The following GRM5 variants were observed in gnomAD, a reference collection of about 807,000 sequenced individuals.
GRM5 encodes the protein metabotropic glutamate receptor 5.
GRM5 carries 19 observed loss-of-function variants against 83.1 expected under a neutral mutation model. The observed-to-expected ratio is 0.23, with a 90% CI of 0.16 to 0.34. The LOEUF is 0.34. Among genes scored for constraint, GRM5 ranks in the 10% least tolerant of loss-of-function variants. The pLI, the probability that GRM5 is intolerant of heterozygous loss-of-function variation, is 1.00. For synonymous variants in GRM5, 675 were observed against 633.6 expected (o/e 1.07, Z -0.98); for missense variants, 1,160 against 1,588.3 (o/e 0.73, Z 4.58).
At chr11:89,058,665 G>A (rs1215996539) in intron 1 of GRM5, among the ~76,000 whole-genome samples, 2 of 152,150 alleles carry the variant, frequency 1.3e-5, no homozygotes, top group Non-Finnish European at 2.9e-5. Flanking sequence ...TTGTTGAAAA[G>A]GTAGAAATTT....
intron 2 of GRM5, among the ~76,000 whole-genome samples, chr11:89,010,119 A>G (rs1173816052): frequency 1.3e-5 from 2 of 151,170 alleles, no homozygotes; most frequent in Non-Finnish European, 2.9e-5. Flanking sequence ...CAAAGGATTG[A>G]GGCAAATATT....
intron 2 of GRM5, among the ~76,000 whole-genome samples, chr11:88,972,047 C>T (rs991369202): frequency 6.6e-6 from 1 of 152,158 alleles, no homozygotes; most frequent in African/African-American, 2.4e-5. Flanking sequence ...CCATCTTGGA[C>T]AAGCACTGCC....
At chr11:88,966,448 C>T (rs1043049805) in intron 2 of GRM5, among the ~76,000 whole-genome samples, 1 of 152,114 alleles carries the variant, frequency 6.6e-6, no homozygotes, top group Non-Finnish European at 1.5e-5. Flanking sequence ...TCTAGTCATA[C>T]TGGCAACCAA....
chr11:88,734,636 T>G (rs181348045), intron 3 of GRM5, among the ~76,000 whole-genome samples: 1 of 152,098 alleles, frequency 6.6e-6, no homozygotes, highest in African/African-American at 2.4e-5. Flanking sequence ...TAAATTCTCT[T>G]GGTTACAGTT....
chr11:88,636,725 T>C (rs1004840499), intron 4 of GRM5, among the ~76,000 whole-genome samples: 1 of 152,218 alleles, frequency 6.6e-6, no homozygotes, highest in African/African-American at 2.4e-5. Flanking sequence ...TATTAGTTTT[T>C]GTATAAGGTG....
intron 4 of GRM5, among the ~76,000 whole-genome samples, chr11:88,631,557 T>A (rs1938970930): frequency 6.6e-6 from 1 of 152,182 alleles, no homozygotes; most frequent in African/African-American, 2.4e-5. Context: ...TAAAATATAA[T>A]TATTGTCTGA....
intron 2 of GRM5, among the ~76,000 whole-genome samples, chr11:89,028,217 T>G (rs1427135943): frequency 1.3e-5 from 2 of 152,160 alleles, no homozygotes; most frequent in Non-Finnish European, 2.9e-5. Context: ...GAAGCCCACA[T>G]CCTCATTAAT....
chr11:89,035,395 A>G (rs904537088), intron 2 of GRM5, among the ~76,000 whole-genome samples: 15 of 152,008 alleles, frequency 9.9e-5, no homozygotes, highest in African/African-American at 3.4e-4. Context: ...CAAAAATGGC[A>G]CTCTAACTTT....
intron 3 of GRM5, among the ~76,000 whole-genome samples, chr11:88,671,027 G>A (rs959940558): frequency 1.3e-5 from 2 of 151,812 alleles, no homozygotes; most frequent in African/African-American, 2.4e-5. Context: ...CAGGAGCATC[G>A]CCATCTTGGA....
chr11:88,904,778 G>A (rs760713118), intron 2 of GRM5, among the ~76,000 whole-genome samples: 3 of 151,886 alleles, frequency 2.0e-5, no homozygotes, highest in Non-Finnish European at 4.4e-5. Flanking sequence ...TTTCAAATAA[G>A]GTCATATTCA....
chr11:88,554,418 T>C (rs1298719382), intron 8 of GRM5, among the ~76,000 whole-genome samples: 3 of 152,304 alleles, frequency 2.0e-5, no homozygotes, highest in East Asian at 1.9e-4. Flanking sequence ...TTCCAGGGAA[T>C]AGCATGTGAC....
intron 3 of GRM5, among the ~76,000 whole-genome samples, chr11:88,790,028 A>C (rs1008398431): frequency 2.6e-5 from 4 of 151,932 alleles, no homozygotes; most frequent in African/African-American, 9.7e-5. Flanking sequence ...CACGCCTGGC[A>C]AATTTTTGTA....
intron 3 of GRM5, among the ~76,000 whole-genome samples, chr11:88,660,903 G>A (rs979842016): frequency 3.3e-5 from 5 of 152,184 alleles, no homozygotes; most frequent in Admixed American, 2.0e-4. Flanking sequence ...TAGCTTGAAT[G>A]CAACTTATCA....
chr11:88,686,507 G>A (rs1053844113), intron 3 of GRM5, among the ~76,000 whole-genome samples: 4 of 152,154 alleles, frequency 2.6e-5, no homozygotes, highest in Non-Finnish European at 5.9e-5. Context: ...GTTTTGAAAT[G>A]TGAAGGCATA....
At position 88,905,927 on chromosome 11, in the gene GRM5, AC is replaced by A. The variant is rs368782087; in HGVS notation, c.662-55773del. On this transcript the variant is annotated intron_variant, in intron 2 of 9. Transcript: ENST00000305447. ...ATTCTCTACATTCAAATCTTATTAT[AC>A]TTTAATATTTTAGAGAATAAAACAG... Among the ~76,000 whole-genome samples, 17 of 152,286 alleles carry A rather than the reference AC, an allele frequency of 1.1e-4. No individual in the cohort carries two copies. The South Asian group carries it at 3.3e-3, about 30-fold the overall frequency.
intron 4 of GRM5, among the ~76,000 whole-genome samples, chr11:88,630,671 C>T (rs567934629): frequency 1.1e-4 from 17 of 152,006 alleles, no homozygotes; most frequent in South Asian, 4.2e-4. Flanking sequence ...CTCTGCCTCG[C>T]GGGTTTAAGC....
chr11:88,927,112 C>G (rs1267155888), intron 2 of GRM5, among the ~76,000 whole-genome samples: 1 of 152,224 alleles, frequency 6.6e-6, no homozygotes, highest in Non-Finnish European at 1.5e-5. Context: ...AAAGAAAACC[C>G]TCTTTATCCT....
intron 2 of GRM5, among the ~76,000 whole-genome samples, chr11:88,875,932 G>A (rs958496212): frequency 6.6e-6 from 1 of 152,032 alleles, no homozygotes; most frequent in Non-Finnish European, 1.5e-5. Context: ...AGTAGATTTA[G>A]CATAGCTCTT....
intron 4 of GRM5, among the ~76,000 whole-genome samples, chr11:88,643,918 A>AAT (rs1164544109): frequency 1.3e-5 from 2 of 152,172 alleles, no homozygotes; most frequent in Non-Finnish European, 2.9e-5. Context: ...ACCCACTTCA[A>AAT]ATACTAGTGA....
Sources: gnomAD v4.1 joint callset for allele counts (sites outside exome capture counted in the v4.1 genomes callset) on GRCh38, gnomAD v4.1.1 for gene constraint, MANE v1.5 for transcripts, NCBI Gene and HGNC (gene_info 2026-07-23, HGNC 2026-07-21) for gene names.